PCLO: variants seen among roughly 807,000 people sequenced by gnomAD.
PCLO encodes piccolo presynaptic cytomatrix protein.
A neutral mutation model predicts 427.5 loss-of-function variants in PCLO; 82 were observed. That is an observed-to-expected ratio of 0.19 (90% CI 0.16 to 0.23). The LOEUF (loss-of-function observed/expected upper bound fraction) is 0.23. PCLO is among the 10% of genes least tolerant of loss of function. PCLO has a pLI of 1.00. For missense variants in PCLO, 6,239 were observed against 6,115.9 expected (o/e 1.02, Z -0.67); for synonymous variants, 2,357 against 2,155.4 (o/e 1.09, Z -2.59).
chr7:83,121,906 C>T (rs774923964), intron 3 of PCLO, among the ~76,000 whole-genome samples: 1 of 151,912 alleles, frequency 6.6e-6, no homozygotes, highest in Non-Finnish European at 1.5e-5. Context: ...CAAAAATCCC[C>T]AACAAAATAC....
At chr7:82,812,264 GAAACAGAAGTAATCGTATA>G (rs1297950530) in intron 20 of PCLO, among the ~76,000 whole-genome samples, 1 of 151,358 alleles carries the variant, frequency 6.6e-6, no homozygotes, top group Admixed American at 6.6e-5. Context: ...ATCACTTCAG[GAAACAGAAGTAATCGTATA>G]AAACAATGTA....
At chr7:82,960,013 T>C (rs571801509) in intron 4 of PCLO, among the ~76,000 whole-genome samples, 22 of 152,290 alleles carry the variant, frequency 1.4e-4, no homozygotes, top group African/African-American at 5.3e-4. Flanking sequence ...CCAAGACATA[T>C]CTGCACTGCC....
intron 3 of PCLO, among the ~76,000 whole-genome samples, chr7:83,063,782 T>C (rs557455056): frequency 6.6e-6 from 1 of 152,222 alleles, no homozygotes; most frequent in Admixed American, 6.5e-5. Context: ...TCAAATTTGA[T>C]TTATCTTTTA....
intron 6 of PCLO, among the ~76,000 whole-genome samples, chr7:82,940,198 G>A (rs951715958): frequency 6.6e-6 from 1 of 152,086 alleles, no homozygotes; most frequent in African/African-American, 2.4e-5. Flanking sequence ...GCATTTATAG[G>A]CTCGACTCCT....
At chr7:82,927,312 T>C (rs1162373973) in intron 6 of PCLO, among the ~76,000 whole-genome samples, 2 of 152,170 alleles carry the variant, frequency 1.3e-5, no homozygotes, top group African/African-American at 4.8e-5. Context: ...GCTATTTCGC[T>C]TTCATGAGAT....
At chr7:82,794,450 ATTTTTTTTCTTTTTTTT>A (rs1413763383) in intron 22 of PCLO, among the ~76,000 whole-genome samples, 7 of 62,078 alleles carry the variant, frequency 1.1e-4, no homozygotes, top group South Asian at 8.2e-4. Context: ...TAGTTCATAA[ATTTTTTTTCTTTTTTTT>A]TTTTTTTTTT....
intron 10 of PCLO, among the ~76,000 whole-genome samples, chr7:82,866,098 A>G (rs555363596): frequency 1.3e-5 from 2 of 152,218 alleles, no homozygotes; most frequent in South Asian, 4.1e-4. Context: ...GGCACACAAC[A>G]AGCATGCTCT....
intron 3 of PCLO, among the ~76,000 whole-genome samples, chr7:83,128,223 C>T (rs955187898): frequency 1.3e-5 from 2 of 151,416 alleles, no homozygotes; most frequent in Admixed American, 6.6e-5. Flanking sequence ...GGATGTAAAA[C>T]GAAATGGCTT....
intron 3 of PCLO, among the ~76,000 whole-genome samples, chr7:83,040,739 A>T (rs1366992525): frequency 6.6e-6 from 1 of 152,052 alleles, no homozygotes; most frequent in Non-Finnish European, 1.5e-5. Context: ...ATTACAAATG[A>T]TGTCAGTTTC....
chr7:82,846,737 T>C (rs902816157), intron 11 of PCLO, 103 bp from the exon 12 acceptor site: 7 of 681,748 alleles, frequency 1.0e-5, no homozygotes, highest in Middle Eastern at 4.0e-4. Flanking sequence ...AAATGAGAAG[T>C]GGTTAATGAT....
chr7:82,954,205 T>C lies in PCLO; in HGVS notation c.6748A>G (p.Thr2250Ala). 1 of 1,613,618 alleles carries C rather than the reference T, an allele frequency of 6.2e-7. No individual in the cohort carries two copies. The highest frequency in any genetic ancestry group is 8.5e-7 in the Non-Finnish European group (1 of 1,179,666). The stretch of plus-strand genomic sequence containing the variant: ...CTAGCTCTACCATCTGGTGGGGCAG[T>C]CCGATCTAAAGATACACTTATTTCT... ...PEEISVSLDR[T>A]APPDGRASAD... The change falls in exon 5 of 25, where the codon ACT (threonine) becomes GCT (alanine). Residue 2250 changes from threonine to alanine, a missense_variant. Physicochemically the swap from Thr to Ala is moderately conservative, Grantham distance 58 (BLOSUM62 0). This residue lies in a region of PCLO where 4,677 missense variants were observed against 4,468.4 expected (regional missense o/e 1.05). Coordinates refer to ENST00000333891, the MANE Select transcript of PCLO (RefSeq NM_033026.6).
intron 6 of PCLO, among the ~76,000 whole-genome samples, chr7:82,943,565 T>C (rs993273443): frequency 6.6e-6 from 1 of 152,312 alleles, no homozygotes; most frequent in Non-Finnish European, 1.5e-5. Flanking sequence ...GGAATTTACA[T>C]TGCTATGCAA....
Position 82,951,890 on chromosome 7 carries a change from T to C in PCLO, c.9063A>G (p.Thr3021=). The C allele has an allele frequency of 6.2e-7, 1 of 1,613,602 alleles. No individual in the cohort carries two copies. The highest frequency in any genetic ancestry group is 8.5e-7 in the Non-Finnish European group (1 of 1,179,726). ...CTCTCCCTGAAGTCAGATCTACTGC[T>C]GTGTCAGTTCCTTCAGAATAATCAA... ...NAFDYSEGTD[T]AVDLTSGRVT... Residue 3021 remains threonine, a synonymous_variant, in exon 5 of 25, where the codon ACA becomes ACG. Coordinates refer to ENST00000333891, the MANE Select transcript of PCLO (RefSeq NM_033026.6).
intron 3 of PCLO, among the ~76,000 whole-genome samples, chr7:83,078,623 C>A: frequency 6.6e-6 from 1 of 151,866 alleles, no homozygotes; most frequent in East Asian, 1.9e-4. Flanking sequence ...CCTCCACCTC[C>A]CGGGTTCAAG....
chr7:83,070,876 T>C (rs943959543), intron 3 of PCLO, among the ~76,000 whole-genome samples: 1 of 152,186 alleles, frequency 6.6e-6, no homozygotes, highest in African/African-American at 2.4e-5. Flanking sequence ...TCCTTATTAA[T>C]TGCTCAAACT....
At position 82,948,792 on chromosome 7, in the gene PCLO, T is replaced by A. The variant is rs369852784; in HGVS notation, c.11112+684A>T. Reference sequence around the variant, plus strand: ...ATATTATTAAAAGAAACATGAAAAATTATTTTTGCTTCTGTGAGCACTAGG... The same window carrying A: ...ATATTATTAAAAGAAACATGAAAAAATATTTTTGCTTCTGTGAGCACTAGG... On this transcript the variant is annotated intron_variant, in intron 6 of 24. Coordinates refer to ENST00000333891, the MANE Select transcript of PCLO (RefSeq NM_033026.6). 2.0e-3 allele frequency among the ~76,000 whole-genome samples: 297 copies of A among 152,180 alleles called. 1 individual carries two copies. Among genetic ancestry groups the A allele is most frequent in the Middle Eastern group, 0.01 (3 of 292 alleles).
chr7:82,948,740 A>G (rs1408670629), intron 6 of PCLO, among the ~76,000 whole-genome samples: 1 of 152,134 alleles, frequency 6.6e-6, no homozygotes, highest in Non-Finnish European at 1.5e-5. Context: ...CTTGAAGCAT[A>G]CCTATATATT....
intron 24 of PCLO, among the ~76,000 whole-genome samples, chr7:82,759,756 C>T (rs1444852809): frequency 1.3e-5 from 2 of 151,826 alleles, no homozygotes; most frequent in African/African-American, 2.4e-5. Flanking sequence ...TCTCATTCCC[C>T]CATTTCTACT....
At chr7:83,095,388 G>A (rs1790507479) in intron 3 of PCLO, among the ~76,000 whole-genome samples, 1 of 151,582 alleles carries the variant, frequency 6.6e-6, no homozygotes, top group Non-Finnish European at 1.5e-5. Flanking sequence ...AAAGTTCCTT[G>A]TTTTATTGAT....
Sources: allele counts gnomAD v4.1 joint callset (sites outside exome capture counted in the v4.1 genomes callset), GRCh38; gene constraint gnomAD v4.1.1; regional missense constraint gnomAD v4.1.1; transcripts MANE v1.5; gene names NCBI Gene and HGNC (gene_info 2026-07-23, HGNC 2026-07-21).